Variants in MORN4 observed in about 807,000 individuals in gnomAD.
MORN4 encodes the protein MORN repeat containing 4, also known as MORN repeat-containing protein 4.
In MORN4, 8 loss-of-function variants were observed where a neutral mutation model predicts 16.4. The observed-to-expected ratio is 0.49, with a 90% CI of 0.29 to 0.88. MORN4 has a LOEUF of 0.88. Ranked by LOEUF, MORN4 falls within the 40% of genes least tolerant of loss-of-function variation. The pLI is 0.09. For missense variants in MORN4, 159 were observed against 182.9 expected (o/e 0.87, Z 0.75); for synonymous variants, 53 against 68.9 (o/e 0.77, Z 1.14).
intron 1 of MORN4, among the ~76,000 whole-genome samples, chr10:97,623,730 CTT>C (rs561536784): frequency 9.3e-5 from 13 of 139,964 alleles, no homozygotes; most frequent in East Asian, 2.1e-4. Context: ...AGACGGGATT[CTT>C]TTTTTTTTTT....
At chr10:97,622,457 T>C (rs1290311590) in intron 1 of MORN4, among the ~76,000 whole-genome samples, 1 of 151,904 alleles carries the variant, frequency 6.6e-6, no homozygotes, top group Non-Finnish European at 1.5e-5. Context: ...AGGCTGAGGC[T>C]TGCGGACCAC....
In MORN4 at chr10:97,615,339, T is replaced by C. The variant is rs546414105; in HGVS notation, c.*924A>G. 1 of 152,384 alleles carries C rather than the reference T, an allele frequency of 6.6e-6. No homozygotes were observed. The highest frequency in any genetic ancestry group is 2.4e-5 in the African/African-American group (1 of 41,570). 9.4% of individuals were successfully genotyped at this position (152,384 alleles called of 1,614,324 possible). A position where few individuals can be genotyped will look rare whatever the true frequency, so the allele number is the denominator to read the frequency against. On this transcript the variant is annotated 3_prime_UTR_variant, in exon 5 of 5. Transcript: ENST00000307450. ...GCTCACACCTGCAATCCTAGCACTT[T>C]GGCAGGCCCAGGCAGGAGGATCACT... is the stretch of plus-strand genomic sequence containing the variant.
At chr10:97,627,468 C>A (rs2041359217) in intron 1 of MORN4, among the ~76,000 whole-genome samples, 1 of 152,130 alleles carries the variant, frequency 6.6e-6, no homozygotes, top group Non-Finnish European at 1.5e-5. Context: ...TTGATACAGA[C>A]ACCAAAAGCC....
intron 2 of MORN4, among the ~76,000 whole-genome samples, chr10:97,618,957 A>G (rs899932693): frequency 9.9e-5 from 15 of 152,136 alleles, no homozygotes; most frequent in Non-Finnish European, 2.9e-5. Context: ...AATGGGAATA[A>G]TAATAGTATG....
At chr10:97,622,484 G>A (rs373719388) in intron 1 of MORN4, among the ~76,000 whole-genome samples, 20 of 152,076 alleles carry the variant, frequency 1.3e-4, no homozygotes, top group East Asian at 1.2e-3. Context: ...TCAGGAGTTT[G>A]AGACCAGCCT....
rs2041222849 is a variant in MORN4 at position 97,614,800 on chromosome 10, T to C, written c.*1463A>G. The C allele has an allele frequency of 6.6e-6, 1 of 152,322 alleles. No homozygotes were observed. Among genetic ancestry groups the C allele is most frequent in the Non-Finnish European group, 1.5e-5 (1 of 68,058 alleles). The allele number at this position is 152,322 out of a possible 1,614,324, so 9.4% of individuals were successfully genotyped here. On this transcript the variant is annotated 3_prime_UTR_variant, in exon 5 of 5. Transcript: ENST00000307450. ...GCGGCCTGACGGTCAAGGCTCATGA[T>C]AGAAGAGCTACAGTGAGCCAAATGC...
Position 97,633,383 on chromosome 10 carries a change from A to C in MORN4, c.-67T>G, listed in dbSNP as rs1182977373. ...CTTTCGGGATGACCGTCACGCCTGG[A>C]CGCAGGGTTCCAGCGCCTCGGACTT... On this transcript the variant is annotated 5_prime_UTR_variant, in exon 1 of 5. Transcript: ENST00000307450. The surrounding 1 kb of genome is among the most constrained non-coding windows in gnomAD (Gnocchi z 4.5). 1 of 1,289,850 alleles carries C rather than the reference A, an allele frequency of 7.8e-7. No individual in the cohort carries two copies. The highest frequency in any genetic ancestry group is 1.2e-5 in the South Asian group (1 of 81,028). The allele number at this position is 1,289,850 out of a possible 1,614,324, so 79.9% of individuals were successfully genotyped here.
intron 1 of MORN4, among the ~76,000 whole-genome samples, chr10:97,632,466 C>T (rs1449615082): frequency 1.2e-4 from 18 of 152,064 alleles, no homozygotes; most frequent in Non-Finnish European, 1.5e-4. Context: ...ATCCACCCGC[C>T]TCGGCCTCCC....
chr10:97,626,478 C>T (rs1345477942), intron 1 of MORN4, among the ~76,000 whole-genome samples: 3 of 145,222 alleles, frequency 2.1e-5, no homozygotes, highest in South Asian at 4.4e-4. Flanking sequence ...TTTCTTGAAA[C>T]GGAGTCTTGC....
intron 1 of MORN4, 40 bp from the exon 2 acceptor site, chr10:97,619,723 G>T: frequency 6.5e-7 from 1 of 1,544,110 alleles, no homozygotes; most frequent in Non-Finnish European, 9.0e-7. Context: ...GTCATGGAAT[G>T]GCGGGAGGAA....
chr10:97,633,389 G>A lies in MORN4; in HGVS notation c.-73C>T. The A allele has an allele frequency of 7.8e-7, 1 of 1,289,900 alleles. No homozygotes were observed. The highest frequency in any genetic ancestry group is 1.2e-5 in the South Asian group (1 of 81,026). The allele number at this position is 1,289,900 out of a possible 1,614,324, so 79.9% of individuals were successfully genotyped here. A position where few individuals can be genotyped will look rare whatever the true frequency, so the allele number is the denominator to read the frequency against. On this transcript the variant is annotated 5_prime_UTR_variant, in exon 1 of 5. Coordinates refer to ENST00000307450, the MANE Select transcript of MORN4 (RefSeq NM_178832.4). This position sits in a 1 kb window ranked among gnomAD's most constrained non-coding sequence, Gnocchi z 4.5. ...GGATGACCGTCACGCCTGGACGCAGGGTTCCAGCGCCTCGGACTTTTCCTC... is the reference window on the plus strand; with the variant it reads ...GGATGACCGTCACGCCTGGACGCAGAGTTCCAGCGCCTCGGACTTTTCCTC...
chr10:97,617,678 G>C (rs921555308), intron 2 of MORN4, among the ~76,000 whole-genome samples: 1 of 152,126 alleles, frequency 6.6e-6, no homozygotes, highest in African/African-American at 2.4e-5. Context: ...TGGCCAACAT[G>C]GTGAAACCCC....
At chr10:97,617,381 T>C (rs900238041) in intron 2 of MORN4, 59 bp from the exon 3 acceptor site, 14 of 1,310,624 alleles carry the variant, frequency 1.1e-5, no homozygotes, top group African/African-American at 1.5e-5. Context: ...GGTCCCTTCT[T>C]ACTCTTGTAG....
intron 2 of MORN4, among the ~76,000 whole-genome samples, chr10:97,617,746 G>C (rs900887683): frequency 6.6e-6 from 1 of 152,118 alleles, no homozygotes; most frequent in Non-Finnish European, 1.5e-5. Context: ...TGTGGTCCCA[G>C]CTACTCGGGA....
At chr10:97,626,774 T>C (rs2041351898) in intron 1 of MORN4, among the ~76,000 whole-genome samples, 1 of 125,722 alleles carries the variant, frequency 8.0e-6, no homozygotes, top group Non-Finnish European at 1.6e-5. Context: ...TTTTTTTTTT[T>C]TAGACAGAGT....
rs747176251 is a variant in MORN4, at chr10:97,617,233, C to T, written c.157G>A (p.Val53Ile). ...CTTGAACCATCTGAGAAGGTCAATA[C>T]CCCAAAGCCATTAAAGAGCCCATTC... ...FENGLFNGFGVLTFSDGSRYE... is the reference protein window; with the variant it reads ...FENGLFNGFGILTFSDGSRYE... The change falls in exon 3 of 5, where the codon GTA becomes ATA. Residue 53 changes from valine (V) to isoleucine (I), a missense_variant. Val to Ile is a conservative substitution (Grantham distance 29). Transcript: ENST00000307450. 1.3e-5 allele frequency: 21 copies of T among 1,613,970 alleles called. No homozygotes were observed. In the Admixed American group the frequency reaches 3.3e-4, roughly 26 times the overall value.
chr10:97,629,136 C>A (rs1479804192), intron 1 of MORN4, among the ~76,000 whole-genome samples: 1 of 152,094 alleles, frequency 6.6e-6, no homozygotes, highest in African/African-American at 2.4e-5. Context: ...GCCTGTAATC[C>A]TAGCATTTTG....
intron 1 of MORN4, among the ~76,000 whole-genome samples, chr10:97,623,274 A>C (rs2041319580): frequency 2.0e-5 from 3 of 152,106 alleles, no homozygotes; most frequent in African/African-American, 7.2e-5. Context: ...TGAACTATAA[A>C]TCACTATTGA....
At chr10:97,616,593 C>T in intron 4 of MORN4, 85 bp downstream of exon 4, 1 of 1,289,218 alleles carries the variant, frequency 7.8e-7, no homozygotes, top group Non-Finnish European at 1.1e-6. Context: ...GATTGCTGGA[C>T]ACCCGCAGGA....
Sources: gnomAD v4.1 joint callset for allele counts (sites outside exome capture counted in the v4.1 genomes callset) on GRCh38, gnomAD v4.1.1 for gene constraint, Gnocchi (gnomAD v3.1) non-coding constraint, MANE v1.5 for transcripts, NCBI Gene and HGNC (gene_info 2026-07-23, HGNC 2026-07-21) for gene names.